PAN3: variants seen among roughly 807,000 people sequenced by gnomAD.
PAN3 encodes the protein poly(A) specific ribonuclease subunit PAN3, also known as PAN2-PAN3 deadenylation complex subunit PAN3.
In PAN3, 19 loss-of-function variants were observed where a neutral mutation model predicts 96.2. The observed-to-expected ratio is 0.20, with a 90% CI of 0.14 to 0.29. PAN3 has a LOEUF of 0.29. Among genes scored for constraint, PAN3 ranks in the 10% least tolerant of loss-of-function variants. The pLI, the probability that PAN3 is intolerant of heterozygous loss-of-function variation, is 1.00. For missense variants in PAN3, 882 were observed against 1,108.1 expected, an observed-to-expected ratio of 0.80 and a Z score of 2.90; for synonymous variants, 433 against 406.6, an observed-to-expected ratio of 1.06 and a Z score of -0.78.
chr13:28,260,719 T>G (rs568027018), intron 8 of PAN3, among the ~76,000 whole-genome samples, 168 bp downstream of exon 8: 1 of 122,542 alleles, frequency 8.2e-6, no homozygotes, highest in South Asian at 2.5e-4. Context: ...AAACCTGTCT[T>G]TTAAAAAAAT....
intron 18 of PAN3, 69 bp downstream of exon 18, chr13:28,288,191 A>G: frequency 7.4e-7 from 1 of 1,344,588 alleles, no homozygotes; most frequent in Non-Finnish European, 1.0e-6. Context: ...TATCTTCTAC[A>G]AATACTAGGA....
chr13:28,144,638 G>A (rs1186412887), intron 1 of PAN3, among the ~76,000 whole-genome samples: 1 of 151,588 alleles, frequency 6.6e-6, no homozygotes, highest in African/African-American at 2.4e-5. Flanking sequence ...GTTCAGAGTG[G>A]TATGATCATA....
rs558218663 is a variant in PAN3 at position 28,201,138 on chromosome 13, G to A, written c.852+3792G>A. Among the ~76,000 whole-genome samples the A allele has an allele frequency of 4.6e-5, 7 of 150,870 alleles. No homozygotes were observed. The South Asian group carries it at 1.3e-3, about 27-fold the overall frequency. On this transcript the variant is annotated intron_variant, in intron 5 of 18. Transcript: ENST00000380958. ...TAGTCTCGACCTCCTGTGCTCAAGC[G>A]ATCCTCCTGTCTCAGTCTCCCGAGT... is the stretch of plus-strand genomic sequence containing the variant.
intron 5 of PAN3, among the ~76,000 whole-genome samples, chr13:28,200,905 G>C (rs980676218): frequency 6.6e-6 from 1 of 152,166 alleles, no homozygotes; most frequent in African/African-American, 2.4e-5. Context: ...CTGCAAACTG[G>C]TGTTACCAAA....
Position 28,288,138 on chromosome 13 carries a change from A to G in PAN3, c.2523+16A>G, listed in dbSNP as rs533688459. 13 of 1,581,946 alleles carry G rather than the reference A, an allele frequency of 8.2e-6. No individual in the cohort carries two copies. The East Asian group carries it at 2.7e-4, about 33-fold the overall frequency. Reference sequence around the variant, plus strand: ...TCTTAACAAGGTAATTTGTATCTAGATTTTTTAAGATCATAATTCTGCCTA... The same window carrying G: ...TCTTAACAAGGTAATTTGTATCTAGGTTTTTTAAGATCATAATTCTGCCTA... On this transcript the variant is annotated intron_variant, in intron 18 of 18. Transcript: ENST00000380958.
chr13:28,234,822 T>C (rs77546471), intron 6 of PAN3, among the ~76,000 whole-genome samples: 20,275 of 152,140 alleles, frequency 0.13, 1,606 homozygotes, highest in East Asian at 0.32. Context: ...ATTTTTGTGA[T>C]CTTCATTTTC....
chr13:28,174,340 A>G lies in PAN3; in HGVS notation c.499A>G (p.Ile167Val), dbSNP rs751291233. ...LTDSYFSTSFIGVNGFGSPVE... is the reference protein window; with the variant it reads ...LTDSYFSTSFVGVNGFGSPVE... ...AGATTCCTATTTTAGCACCAGCTTT[A>G]TTGGAGTCAATGGATTTGGAAGCCC... Residue 167 changes from isoleucine (I) to valine (V), a missense_variant, in exon 2 of 19, where the codon ATT (isoleucine) becomes GTT (valine). Physicochemically the swap from Ile to Val is conservative, Grantham distance 29. Transcript: ENST00000380958. The G allele has an allele frequency of 5.0e-6, 8 of 1,612,796 alleles. No homozygotes were observed. The highest frequency in any genetic ancestry group is 2.2e-5 in the East Asian group (1 of 44,828).
intron 1 of PAN3, among the ~76,000 whole-genome samples, chr13:28,162,928 G>A (rs193050900): frequency 2.0e-5 from 3 of 152,072 alleles, no homozygotes; most frequent in Admixed American, 6.6e-5. Flanking sequence ...AAAGTGAAAG[G>A]TGTGCATAAT....
intron 17 of PAN3, among the ~76,000 whole-genome samples, chr13:28,286,458 C>T (rs1868982571): frequency 6.6e-6 from 1 of 152,162 alleles, no homozygotes; most frequent in Non-Finnish European, 1.5e-5. Flanking sequence ...TCTCAGTTCT[C>T]CTGTTTTCAG....
chr13:28,166,176 CA>C (rs1873513293), intron 1 of PAN3, among the ~76,000 whole-genome samples: 1 of 152,298 alleles, frequency 6.6e-6, no homozygotes, highest in South Asian at 2.1e-4. Context: ...CATCCTAAGG[CA>C]AATTGCTCTC....
intron 6 of PAN3, among the ~76,000 whole-genome samples, chr13:28,242,683 T>C (rs555219107): frequency 6.6e-6 from 1 of 152,304 alleles, no homozygotes; most frequent in African/African-American, 2.4e-5. Flanking sequence ...AGAAGCTTTT[T>C]TGATGTGTGG....
Position 28,174,413 on chromosome 13 carries a change from A to T in PAN3, c.552+20A>T. On this transcript the variant is annotated intron_variant, in intron 2 of 18. Coordinates refer to ENST00000380958, the MANE Select transcript of PAN3 (RefSeq NM_175854.8). ...ATGCAGGTATCCTTAGTATAAATTC[A>T]TATTGCACTATGAAGTTTATTCTAG... The T allele has an allele frequency of 6.2e-7, 1 of 1,609,542 alleles. No homozygotes were observed. Among genetic ancestry groups the T allele is most frequent in the East Asian group, 2.2e-5 (1 of 44,694 alleles).
intron 4 of PAN3, among the ~76,000 whole-genome samples, chr13:28,186,512 T>C (rs780802072): frequency 2.0e-5 from 3 of 152,190 alleles, no homozygotes; most frequent in Admixed American, 1.3e-4. Context: ...ATGGTAGTTA[T>C]TGTTATAGTC....
intron 5 of PAN3, among the ~76,000 whole-genome samples, chr13:28,197,786 G>T (rs376753074): frequency 2.6e-5 from 4 of 151,994 alleles, no homozygotes; most frequent in African/African-American, 9.7e-5. Context: ...GGCCAGGCTG[G>T]TCTCGAACTC....
rs183857705 is a variant in PAN3 at position 28,181,365 on chromosome 13, C to A, written c.690+3430C>A. Among the ~76,000 whole-genome samples, 29 of 151,906 alleles carry A rather than the reference C, an allele frequency of 1.9e-4. No homozygotes were observed. In the South Asian group the frequency reaches 3.3e-3, roughly 17 times the overall value. ...CTCTACTAAAAGCCAAAAACATTAG[C>A]CAGGAGTGGTGGTGAACGCCTGTAG... is the stretch of plus-strand genomic sequence containing the variant. On this transcript the variant is annotated intron_variant, in intron 4 of 18. Transcript: ENST00000380958.
chr13:28,161,315 A>G (rs1275531282), intron 1 of PAN3, among the ~76,000 whole-genome samples: 2 of 152,118 alleles, frequency 1.3e-5, no homozygotes, highest in Non-Finnish European at 2.9e-5. Flanking sequence ...AATCTGTTCC[A>G]TGTCTTTCCC....
chr13:28,203,797 TTTTTC>T (rs1043793385), intron 5 of PAN3, among the ~76,000 whole-genome samples: 2 of 151,740 alleles, frequency 1.3e-5, no homozygotes, highest in Non-Finnish European at 2.9e-5. Flanking sequence ...CTGCTTTTCT[TTTTTC>T]TTTTCTTTTT....
chr13:28,138,768 C>T lies in PAN3; in HGVS notation c.111C>T (p.Pro37=), dbSNP rs1300167734. 4 of 1,354,836 alleles carry T rather than the reference C, an allele frequency of 3.0e-6. No homozygotes were observed. Among genetic ancestry groups the T allele is most frequent in the South Asian group, 1.8e-5 (1 of 55,110 alleles). The allele number at this position is 1,354,836 out of a possible 1,614,324, so 83.9% of individuals were successfully genotyped here. Residue 37 remains proline (P), a synonymous_variant, in exon 1 of 19, where the codon CCC becomes CCT. Transcript: ENST00000380958. ...CCCCGCCGGGGGTCGGGGGTGTCCC[C>T]GGCGGGGCGGCGGTAGGAGTGAAGC... ...VVAPPGVGGV[P]GGAAVGVKLK...
chr13:28,237,804 G>A lies in PAN3; in HGVS notation c.1000+17426G>A, dbSNP rs1162571721. On this transcript the variant is annotated intron_variant, in intron 6 of 18. Coordinates refer to ENST00000380958, the MANE Select transcript of PAN3 (RefSeq NM_175854.8). ...TGTACTCATGTGTTCAAGTTTCTCT[G>A]AGTACATGTGCATTTAAACAAAGAT... is the stretch of plus-strand genomic sequence containing the variant. Among the ~76,000 whole-genome samples, 4 of 152,098 alleles carry A rather than the reference G, an allele frequency of 2.6e-5. 1 individual carries two copies. The highest frequency in any genetic ancestry group is 9.7e-5 in the African/African-American group (4 of 41,404).
Sources: gnomAD v4.1 joint callset for allele counts (sites outside exome capture counted in the v4.1 genomes callset) on GRCh38, gnomAD v4.1.1 for gene constraint, MANE v1.5 for transcripts, NCBI Gene and HGNC (gene_info 2026-07-23, HGNC 2026-07-21) for gene names.